The following BAIAP2L1 variants were observed in gnomAD, a reference collection of about 807,000 sequenced individuals.
BAIAP2L1 encodes BAR/IMD domain-containing adapter protein 2-like 1.
A neutral mutation model predicts 66.3 loss-of-function variants in BAIAP2L1; 35 were observed. That is an observed-to-expected ratio of 0.53 (90% CI 0.40 to 0.70). The LOEUF is 0.70. Among genes scored for constraint, BAIAP2L1 ranks in the 30% least tolerant of loss-of-function variants. The pLI is 0.00. For synonymous variants in BAIAP2L1, 269 were observed against 248.7 expected, an observed-to-expected ratio of 1.08 and a Z score of -0.77; for missense variants, 622 against 656.9, an observed-to-expected ratio of 0.95 and a Z score of 0.58.
chr7:98,333,186 A>G lies in BAIAP2L1; in HGVS notation c.215-12888T>C, dbSNP rs181028991. ...TGCCTTATTACTACCTGGATATTAGACTTGTTTATCTGTCCACCCCACTAG... is the reference window on the plus strand; with the variant it reads ...TGCCTTATTACTACCTGGATATTAGGCTTGTTTATCTGTCCACCCCACTAG... On this transcript the variant is annotated intron_variant, in intron 3 of 13. Transcript: ENST00000005260. Among the ~76,000 whole-genome samples the G allele has an allele frequency of 2.2e-3, 342 of 152,186 alleles. 4 individuals are homozygous for G. Among genetic ancestry groups the G allele is most frequent in the South Asian group, 0.019 (90 of 4,824 alleles).
chr7:98,319,450 C>T (rs938582586), intron 5 of BAIAP2L1, among the ~76,000 whole-genome samples: 5 of 152,128 alleles, frequency 3.3e-5, no homozygotes, highest in African/African-American at 1.2e-4. Flanking sequence ...GCATCAGCTG[C>T]AGCGACAGAA....
At chr7:98,373,925 T>G (rs1169008509) in intron 1 of BAIAP2L1, among the ~76,000 whole-genome samples, 1 of 152,072 alleles carries the variant, frequency 6.6e-6, no homozygotes, top group Non-Finnish European at 1.5e-5. Flanking sequence ...ACATTGAAGG[T>G]GTTATGATCT....
At chr7:98,314,472 G>A (rs909801516) in intron 7 of BAIAP2L1, among the ~76,000 whole-genome samples, 4 of 152,132 alleles carry the variant, frequency 2.6e-5, no homozygotes, top group Admixed American at 6.5e-5. Flanking sequence ...CTCAACCAGT[G>A]CTAGTTTTGG....
intron 1 of BAIAP2L1, chr7:98,400,448 G>A (rs1292798075): frequency 1.2e-4 from 36 of 299,970 alleles, no homozygotes; most frequent in African/African-American, 1.0e-3. Flanking sequence ...AGGAGGGGAG[G>A]GACAGTGTCG....
Position 98,383,346 on chromosome 7 carries a change from C to T in BAIAP2L1, c.51+17456G>A, listed in dbSNP as rs143656677. On this transcript the variant is annotated intron_variant, in intron 1 of 13. Coordinates refer to ENST00000005260, the MANE Select transcript of BAIAP2L1 (RefSeq NM_018842.5). ...TTGACCAGGCTGGAGTGCAATGGTGCGATCTTGGCTCACCACAACCTCTGC... is the reference window on the plus strand; with the variant it reads ...TTGACCAGGCTGGAGTGCAATGGTGTGATCTTGGCTCACCACAACCTCTGC... Among the ~76,000 whole-genome samples the T allele has an allele frequency of 4.6e-3, 678 of 146,984 alleles. 10 individuals are homozygous for T. The highest frequency in any genetic ancestry group is 0.016 in the African/African-American group (636 of 39,752).
intron 3 of BAIAP2L1, among the ~76,000 whole-genome samples, chr7:98,330,006 G>A (rs1584461358): frequency 6.6e-6 from 1 of 152,196 alleles, no homozygotes; most frequent in Non-Finnish European, 1.5e-5. Flanking sequence ...CTCTGACTCC[G>A]TTACAAATAC....
intron 1 of BAIAP2L1, among the ~76,000 whole-genome samples, chr7:98,367,061 T>TC (rs1427321233): frequency 1.1e-4 from 16 of 151,174 alleles, no homozygotes; most frequent in African/African-American, 3.9e-4. Flanking sequence ...TAATTAAATT[T>TC]TTTTTTTTTT....
intron 3 of BAIAP2L1, among the ~76,000 whole-genome samples, chr7:98,338,271 A>G (rs912136942): frequency 6.6e-6 from 1 of 152,066 alleles, no homozygotes; most frequent in Admixed American, 6.6e-5. Context: ...ATACAAAAAA[A>G]ATTAGCCGGG....
In BAIAP2L1 at chr7:98,292,418, C is replaced by A; in HGVS notation, c.*1103G>T. 1.8e-6 allele frequency: 1 copy of A among 562,476 alleles called. No homozygotes were observed. The highest frequency in any genetic ancestry group is 3.2e-6 in the Non-Finnish European group (1 of 315,728). The allele number at this position is 562,476 out of a possible 1,614,324, so 34.8% of individuals were successfully genotyped here. ...GAGACTCCTGACCTCAGGTGATCCC[C>A]CTGCCTCGGCCTCACAAAATGCTGG... On this transcript the variant is annotated 3_prime_UTR_variant, in exon 14 of 14. Coordinates refer to ENST00000005260, the MANE Select transcript of BAIAP2L1 (RefSeq NM_018842.5).
chr7:98,310,941 C>T, intron 8 of BAIAP2L1, among the ~76,000 whole-genome samples: 1 of 152,054 alleles, frequency 6.6e-6, no homozygotes, highest in Non-Finnish European at 1.5e-5. Context: ...CCGCCTAGGC[C>T]TCCCAAAGTG....
At chr7:98,368,025 T>C (rs1009556508) in intron 1 of BAIAP2L1, among the ~76,000 whole-genome samples, 1 of 152,218 alleles carries the variant, frequency 6.6e-6, no homozygotes, top group African/African-American at 2.4e-5. Flanking sequence ...ACGCCTCTTT[T>C]GTGCTGCCAC....
At chr7:98,358,152 T>G (rs1802182289) in intron 2 of BAIAP2L1, among the ~76,000 whole-genome samples, 1 of 152,202 alleles carries the variant, frequency 6.6e-6, no homozygotes, top group Non-Finnish European at 1.5e-5. Context: ...AATTTTTCAT[T>G]AATTGTTGAC....
In BAIAP2L1 at chr7:98,292,836, C is replaced by A; in HGVS notation, c.*685G>T. On this transcript the variant is annotated 3_prime_UTR_variant, in exon 14 of 14. Transcript: ENST00000005260. The stretch of plus-strand genomic sequence containing the variant: ...CTGGATGGGCCGTGTGCAGCGAATC[C>A]GTTGGCGACTCCTAACTACCAAGAA... The A allele has an allele frequency of 1.4e-6, 2 of 1,465,152 alleles. No individual in the cohort carries two copies. Among genetic ancestry groups the A allele is most frequent in the Non-Finnish European group, 1.8e-6 (2 of 1,105,728 alleles). The allele number at this position is 1,465,152 out of a possible 1,614,324, so 90.8% of individuals were successfully genotyped here. A position where few individuals can be genotyped will look rare whatever the true frequency, so the allele number is the denominator to read the frequency against.
At chr7:98,377,546 C>T (rs183154851) in intron 1 of BAIAP2L1, among the ~76,000 whole-genome samples, 8 of 152,122 alleles carry the variant, frequency 5.3e-5, no homozygotes, top group African/African-American at 1.2e-4. Context: ...AGGCCAGGCC[C>T]GGTGGCTCAC....
chr7:98,357,370 C>A (rs375080945), intron 2 of BAIAP2L1, among the ~76,000 whole-genome samples: 31 of 150,266 alleles, frequency 2.1e-4, no homozygotes, highest in African/African-American at 6.8e-4. Flanking sequence ...AGATTAAGAC[C>A]GTCCTGGCCA....
intron 1 of BAIAP2L1, among the ~76,000 whole-genome samples, chr7:98,370,309 G>GGTTGCAGTGAGCTGAGATTGCGCC (rs1802481867): frequency 6.7e-6 from 1 of 149,004 alleles, no homozygotes; most frequent in African/African-American, 2.5e-5. Flanking sequence ...CGGGACGCGG[G>GGTTGCAGTGAGCTGAGATTGCGCC]GTTGCAGTGA....
At chr7:98,351,256 C>T (rs1405046900) in intron 3 of BAIAP2L1, among the ~76,000 whole-genome samples, 2 of 152,192 alleles carry the variant, frequency 1.3e-5, no homozygotes, top group Non-Finnish European at 1.5e-5. Context: ...ACAAAAAACG[C>T]GGAAGCACCA....
Position 98,293,203 on chromosome 7 carries a change from C to T in BAIAP2L1, c.*318G>A. The T allele has an allele frequency of 3.3e-6, 1 of 301,632 alleles. No homozygotes were observed. The highest frequency in any genetic ancestry group is 6.0e-6 in the Non-Finnish European group (1 of 165,634). 18.7% of individuals were successfully genotyped at this position (301,632 alleles called of 1,614,324 possible). A position where few individuals can be genotyped will look rare whatever the true frequency, so the allele number is the denominator to read the frequency against. ...CTGAAAGCATAGACTATCCCTTATT[C>T]TGGCTGTTATTAAGGAAAAAATTCA... On this transcript the variant is annotated 3_prime_UTR_variant, in exon 14 of 14. Transcript: ENST00000005260.
intron 1 of BAIAP2L1, among the ~76,000 whole-genome samples, chr7:98,376,843 A>C (rs1562790062): frequency 1.3e-5 from 2 of 152,030 alleles, no homozygotes; most frequent in African/African-American, 2.4e-5. Context: ...AAACAACAAC[A>C]AACCAACCCA....
Sources: allele counts gnomAD v4.1 joint callset (sites outside exome capture counted in the v4.1 genomes callset), GRCh38; gene constraint gnomAD v4.1.1; transcripts MANE v1.5; gene names NCBI Gene and HGNC (gene_info 2026-07-23, HGNC 2026-07-21).